Variants in ZBTB20 observed in about 807,000 individuals in gnomAD.
ZBTB20 encodes zinc finger and BTB domain containing 20, also known as zinc finger and BTB domain-containing protein 20.
In ZBTB20, 9 loss-of-function variants were observed where a neutral mutation model predicts 56.9. That is an observed-to-expected ratio of 0.16 (90% CI 0.10 to 0.28). ZBTB20 has a LOEUF of 0.28. Among genes scored for constraint, ZBTB20 ranks in the 10% least tolerant of loss-of-function variants. The probability of loss-of-function intolerance (pLI) is 1.00; values close to 1 mark genes in which losing one functional copy is unlikely to be tolerated. For synonymous variants in ZBTB20, 417 were observed against 420.7 expected (o/e 0.99, Z 0.11); for missense variants, 655 against 1,003.0 (o/e 0.65, Z 4.69).
chr3:114,684,451 G>A (rs189135997), intron 6 of ZBTB20: 1 of 152,304 alleles, frequency 6.6e-6, no homozygotes, highest in Admixed American at 6.5e-5. Context: ...GACAGGTTAA[G>A]AGTTGCACCT....
intron 3 of ZBTB20, among the ~76,000 whole-genome samples, chr3:114,926,856 A>G (rs978784939): frequency 8.5e-5 from 13 of 152,172 alleles, no homozygotes; most frequent in African/African-American, 2.7e-4. Context: ...TTCAAACACT[A>G]TCCTCCTGAG....
intron 1 of ZBTB20, among the ~76,000 whole-genome samples, chr3:115,096,417 C>T (rs1301163632): frequency 1.3e-5 from 2 of 152,136 alleles, no homozygotes; most frequent in Non-Finnish European, 2.9e-5. Flanking sequence ...TTATGTTTTA[C>T]AGTAAAACAT....
chr3:114,435,243 A>G (rs998512670), intron 7 of ZBTB20, among the ~76,000 whole-genome samples: 6 of 152,174 alleles, frequency 3.9e-5, no homozygotes, highest in African/African-American at 1.2e-4. Context: ...TTTAAAAAAA[A>G]AAACTTGCAC....
chr3:114,923,876 TA>T (rs1006359566), intron 3 of ZBTB20, among the ~76,000 whole-genome samples: 13 of 151,426 alleles, frequency 8.6e-5, no homozygotes, highest in African/African-American at 2.9e-4. Context: ...CAAAAAAAAA[TA>T]ATAACAATAA....
intron 4 of ZBTB20, among the ~76,000 whole-genome samples, chr3:114,862,235 T>C (rs2075567787): frequency 6.6e-6 from 1 of 152,222 alleles, no homozygotes; most frequent in African/African-American, 2.4e-5. Context: ...CTTTGTGAAT[T>C]AGAATATTAT....
chr3:115,022,208 A>G (rs1472184499), intron 2 of ZBTB20, among the ~76,000 whole-genome samples: 1 of 150,872 alleles, frequency 6.6e-6, no homozygotes, highest in African/African-American at 2.4e-5. Flanking sequence ...TTTTAAAAGT[A>G]TAATTTATTT....
In ZBTB20 at chr3:114,810,504, C is replaced by T. The variant is rs116630719; in HGVS notation, c.-416-9330G>A. The stretch of plus-strand genomic sequence containing the variant: ...AAGTTGTGGGTTTTCATGACTTGTC[C>T]TGCCCTGGCAGAACTACTGATACAA... On this transcript the variant is annotated intron_variant, in intron 4 of 11. Coordinates refer to ENST00000675478, the MANE Select transcript of ZBTB20 (RefSeq NM_001348800.3). 7.3e-3 allele frequency among the ~76,000 whole-genome samples: 1,110 copies of T among 152,256 alleles called. 9 individuals carry two copies. The highest frequency in any genetic ancestry group is 0.019 in the Admixed American group (283 of 15,282).
chr3:114,971,829 A>G (rs1401816207), intron 3 of ZBTB20, among the ~76,000 whole-genome samples: 1 of 152,236 alleles, frequency 6.6e-6, no homozygotes, highest in East Asian at 1.9e-4. Context: ...GCTATTATTT[A>G]TGGCAGGTAT....
Position 114,351,530 on chromosome 3 carries a change from T to C in ZBTB20, c.548A>G (p.Lys183Arg). ...ILTAASILQI[K>R]TVIDECTRIV... Reference sequence around the variant, plus strand: ...GCGCGTGCACTCGTCGATGACTGTTTTGATCTGCAGGATGCTGGCGGCCGT... The same window carrying C: ...GCGCGTGCACTCGTCGATGACTGTTCTGATCTGCAGGATGCTGGCGGCCGT... The change falls in exon 11 of 12, where the codon AAA becomes AGA. Residue 183 changes from lysine (K) to arginine (R), a missense_variant. By Grantham distance (26) the Lys-to-Arg change is conservative (BLOSUM62 2). Around this residue, in one of 10 missense-constraint regions of ZBTB20, gnomAD observed 167 missense variants for 281.9 expected, o/e 0.59. Coordinates refer to ENST00000675478, the MANE Select transcript of ZBTB20 (RefSeq NM_001348800.3). The C allele has an allele frequency of 6.2e-7, 1 of 1,614,058 alleles. No individual in the cohort carries two copies. Among genetic ancestry groups the C allele is most frequent in the Admixed American group, 1.7e-5 (1 of 60,034 alleles).
rs142929965 is a variant in ZBTB20, at chr3:114,925,045, G to A, written c.-455-24703C>T. On this transcript the variant is annotated intron_variant, in intron 3 of 11. Transcript: ENST00000675478. ...TGTCGCCAGGATGGAGTGCAGTGGCGCAATCTCGGCTCACTGCAACCTCTG... is the reference window on the plus strand; with the variant it reads ...TGTCGCCAGGATGGAGTGCAGTGGCACAATCTCGGCTCACTGCAACCTCTG... 4.6e-3 allele frequency among the ~76,000 whole-genome samples: 648 copies of A among 140,812 alleles called. 4 individuals carry two copies. Among genetic ancestry groups the A allele is most frequent in the Non-Finnish European group, 7.8e-3 (512 of 66,036 alleles). 92.4% of individuals were successfully genotyped at this position (140,812 alleles called of 152,430 possible).
In ZBTB20 at chr3:114,757,393, A is replaced by C. The variant is rs147002115; in HGVS notation, c.-343+43708T>G. On this transcript the variant is annotated intron_variant, in intron 5 of 11. Transcript: ENST00000675478. ...TAGCAAAAGTAGGTGGTTGCAAAAC[A>C]TTTTTTTAAAAATCAGAGTGCTGTA... 4.9e-3 allele frequency among the ~76,000 whole-genome samples: 751 copies of C among 152,282 alleles called. 3 individuals are homozygous for C. Among genetic ancestry groups the C allele is most frequent in the African/African-American group, 0.016 (668 of 41,580 alleles).
At chr3:114,685,199 C>G (rs980131806) in intron 6 of ZBTB20, among the ~76,000 whole-genome samples, 1 of 152,086 alleles carries the variant, frequency 6.6e-6, no homozygotes, top group Non-Finnish European at 1.5e-5. Context: ...ACAAAGCCAC[C>G]ATCCAAGACA....
intron 11 of ZBTB20, among the ~76,000 whole-genome samples, chr3:114,346,079 C>T (rs563049131): frequency 4.5e-4 from 69 of 152,110 alleles, no homozygotes; most frequent in Admixed American, 2.9e-3. Flanking sequence ...GGAAGTCCTC[C>T]GTGGTTTGTT....
chr3:114,579,067 T>A (rs2107463048), intron 6 of ZBTB20, among the ~76,000 whole-genome samples: 1 of 151,836 alleles, frequency 6.6e-6, no homozygotes, highest in Admixed American at 6.6e-5. Flanking sequence ...TACTAAAAGG[T>A]CGATTTTATA....
intron 1 of ZBTB20, 106 bp from the exon 2 acceptor site, chr3:115,071,520 A>T (rs111325759): frequency 5.3e-5 from 8 of 152,322 alleles, no homozygotes; most frequent in African/African-American, 1.9e-4. Flanking sequence ...ATGCCTTTAC[A>T]AACTAAACAA....
intron 7 of ZBTB20, among the ~76,000 whole-genome samples, chr3:114,466,067 AG>A (rs931538397): frequency 3.9e-5 from 6 of 152,142 alleles, no homozygotes; most frequent in African/African-American, 1.4e-4. Context: ...TCTACAGGCC[AG>A]GACTAGATAC....
intron 5 of ZBTB20, among the ~76,000 whole-genome samples, chr3:114,748,026 G>GA (rs569218213): frequency 1.3e-5 from 2 of 150,402 alleles, no homozygotes; most frequent in Non-Finnish European, 2.9e-5. Context: ...CAAAAAGTGA[G>GA]AAAAAAACTA....
intron 5 of ZBTB20, among the ~76,000 whole-genome samples, chr3:114,733,434 T>C (rs552517722): frequency 6.6e-6 from 1 of 152,188 alleles, no homozygotes; most frequent in Non-Finnish European, 1.5e-5. Flanking sequence ...TACCACATTC[T>C]CTATTTGATC....
chr3:115,013,982 T>C (rs56007481), intron 2 of ZBTB20, among the ~76,000 whole-genome samples: 23,496 of 151,466 alleles, frequency 0.16, 3,544 homozygotes, highest in African/African-American at 0.39. Flanking sequence ...TCTGCACTCC[T>C]ATGTTTATTG....
Sources: allele counts gnomAD v4.1 joint callset (sites outside exome capture counted in the v4.1 genomes callset), GRCh38; gene constraint gnomAD v4.1.1; regional missense constraint gnomAD v4.1.1; transcripts MANE v1.5; gene names NCBI Gene and HGNC (gene_info 2026-07-23, HGNC 2026-07-21).